Variants in RYR2 observed in about 807,000 individuals in gnomAD.
RYR2 encodes ryanodine receptor 2, also known as cardiac muscle ryanodine receptor-calcium release channel.
A neutral mutation model predicts 601.1 loss-of-function variants in RYR2; 227 were observed. The ratio of observed to expected loss-of-function variants is 0.38; its 90% CI spans 0.34 to 0.42. The LOEUF is 0.42. RYR2 is among the 10% of genes least tolerant of loss of function. The pLI is 1.00. For synonymous variants in RYR2, 2,223 were observed against 2,175.1 expected (o/e 1.02, Z -0.61); for missense variants, 4,646 against 6,156.5 (o/e 0.75, Z 8.21).
chr1:237,547,438 AATT>A, intron 25 of RYR2, among the ~76,000 whole-genome samples: 1 of 152,368 alleles, frequency 6.6e-6, no homozygotes, highest in Admixed American at 6.5e-5. Context: ...AAATGAAATT[AATT>A]ATTTCAACAA....
Position 237,685,587 on chromosome 1 carries a change from TTAA to T in RYR2, c.9018-1867_9018-1865del, listed in dbSNP as rs201027941. 4.8e-3 allele frequency among the ~76,000 whole-genome samples: 727 copies of T among 152,304 alleles called. 5 individuals carry two copies. The highest frequency in any genetic ancestry group is 0.017 in the African/African-American group (694 of 41,558). On this transcript the variant is annotated intron_variant, in intron 62 of 104. Transcript: ENST00000366574. ...GAGAGGAATAGGTAAAATACATGAC[TTAA>T]AATAGATTGGAGTACAGGGATCCAA... is the stretch of plus-strand genomic sequence containing the variant.
chr1:237,492,834 A>AGGAAGGAAGGAC, intron 18 of RYR2, 120 bp from the exon 19 acceptor site: 2 of 802,600 alleles, frequency 2.5e-6, no homozygotes, highest in Non-Finnish European at 3.6e-6. Context: ...AAAGGAAGGA[A>AGGAAGGAAGGAC]GGAAGGAAGG....
chr1:237,651,282 C>A, intron 50 of RYR2, 129 bp from the exon 51 acceptor site: 1 of 671,352 alleles, frequency 1.5e-6, no homozygotes, highest in Non-Finnish European at 2.7e-6. Context: ...GGACAAAGAA[C>A]ATCTAATGAA....
At chr1:237,666,861 G>T (rs1189273740) in intron 57 of RYR2, among the ~76,000 whole-genome samples, 1 of 151,600 alleles carries the variant, frequency 6.6e-6, no homozygotes, top group East Asian at 1.9e-4. Context: ...AGTGAGCTGA[G>T]ATCACACCAC....
At chr1:237,762,272 C>G (rs892503348) in intron 84 of RYR2, among the ~76,000 whole-genome samples, 1 of 152,178 alleles carries the variant, frequency 6.6e-6, no homozygotes, top group African/African-American at 2.4e-5. Flanking sequence ...AGAAAAGTCA[C>G]CAGTGCCACT....
chr1:237,374,525 G>A (rs1333465860), intron 6 of RYR2, among the ~76,000 whole-genome samples, 192 bp from the exon 7 acceptor site: 1 of 152,124 alleles, frequency 6.6e-6, no homozygotes, highest in Admixed American at 6.6e-5. Flanking sequence ...AGGCATGGTG[G>A]CATGTGCCTG....
intron 3 of RYR2, among the ~76,000 whole-genome samples, chr1:237,349,327 A>C (rs1698561431): frequency 6.6e-6 from 1 of 152,176 alleles, no homozygotes; most frequent in South Asian, 2.1e-4. Flanking sequence ...AATAATCACT[A>C]ACTCTGTATT....
In RYR2 at chr1:237,610,583, T is replaced by C. The variant is rs752997871; in HGVS notation, c.4684-179T>C. ...GTATTCTCTCTCATAATGTATTTCC[T>C]GGTTTGTCCTTTCAGAAACTTTTCA... is the stretch of plus-strand genomic sequence containing the variant. On this transcript the variant is annotated intron_variant, in intron 35 of 104. Coordinates refer to ENST00000366574, the MANE Select transcript of RYR2 (RefSeq NM_001035.3). This position sits in a 1 kb window ranked among gnomAD's most constrained non-coding sequence, Gnocchi z 4.9. Among the ~76,000 whole-genome samples, 34 of 152,326 alleles carry C rather than the reference T, an allele frequency of 2.2e-4. No homozygotes were observed. Among genetic ancestry groups the C allele is most frequent in the South Asian group, 8.3e-4 (4 of 4,824 alleles).
intron 25 of RYR2, among the ~76,000 whole-genome samples, chr1:237,537,024 C>T (rs1305191951): frequency 2.6e-5 from 4 of 152,124 alleles, no homozygotes; most frequent in Non-Finnish European, 5.9e-5. Flanking sequence ...GAAAGACACT[C>T]AACTTCAGTA....
At chr1:237,609,432 C>G (rs923161087) in intron 35 of RYR2, among the ~76,000 whole-genome samples, 1 of 148,706 alleles carries the variant, frequency 6.7e-6, no homozygotes, top group Non-Finnish European at 1.5e-5. Context: ...TGCAGTGACA[C>G]GATCTCAGCT....
chr1:237,447,783 C>CCTCTCTCTCTT (rs1657557263), intron 14 of RYR2, among the ~76,000 whole-genome samples: 1 of 150,498 alleles, frequency 6.6e-6, no homozygotes, highest in Non-Finnish European at 1.5e-5. Context: ...GTCTCTCTCT[C>CCTCTCTCTCTT]CTCCCTCCTT....
Position 237,742,289 on chromosome 1 carries a change from T to C in RYR2, c.11092-7T>C. The C allele has an allele frequency of 6.7e-7, 1 of 1,483,930 alleles. No homozygotes were observed. Among genetic ancestry groups the C allele is most frequent in the South Asian group, 1.3e-5 (1 of 77,222 alleles). 91.9% of individuals were successfully genotyped at this position (1,483,930 alleles called of 1,614,324 possible). A position where few individuals can be genotyped will look rare whatever the true frequency, so the allele number is the denominator to read the frequency against. Reference sequence around the variant, plus strand: ...TGTCTCCTTTTTTTTTTTTTTTAAATATACAGAGTTGTCATGATGAGGAAG... The same window carrying C: ...TGTCTCCTTTTTTTTTTTTTTTAAACATACAGAGTTGTCATGATGAGGAAG... On this transcript the variant is annotated splice_region_variant and splice_polypyrimidine_tract_variant and intron_variant, in intron 79 of 104. Coordinates refer to ENST00000366574, the MANE Select transcript of RYR2 (RefSeq NM_001035.3).
chr1:237,692,474 G>T (rs1247227581), intron 63 of RYR2, among the ~76,000 whole-genome samples: 5 of 152,052 alleles, frequency 3.3e-5, no homozygotes, highest in Non-Finnish European at 7.4e-5. Flanking sequence ...TGCCTTTAGG[G>T]TAGAAAGCAC....
chr1:237,128,078 A>C (rs1465503103), intron 1 of RYR2, among the ~76,000 whole-genome samples: 1 of 152,130 alleles, frequency 6.6e-6, no homozygotes, highest in Non-Finnish European at 1.5e-5. Flanking sequence ...ACGCCACTGC[A>C]CTCCAGCCTG....
At chr1:237,308,540 C>G (rs976465005) in intron 2 of RYR2, among the ~76,000 whole-genome samples, 23 of 151,984 alleles carry the variant, frequency 1.5e-4, no homozygotes, top group African/African-American at 5.3e-4. Flanking sequence ...AGCCGCGGAC[C>G]CTTGCGGTGA....
intron 63 of RYR2, among the ~76,000 whole-genome samples, chr1:237,691,765 A>G (rs1354779471): frequency 6.6e-6 from 1 of 152,236 alleles, no homozygotes; most frequent in Admixed American, 6.5e-5. Flanking sequence ...TCTTGTCTAA[A>G]TATAGGCTTC....
chr1:237,060,146 C>T (rs1662659950), intron 1 of RYR2, among the ~76,000 whole-genome samples: 2 of 152,126 alleles, frequency 1.3e-5, no homozygotes, highest in Admixed American at 1.3e-4. Flanking sequence ...AGATTAAATG[C>T]TGGCTGAAAG....
At chr1:237,127,977 T>TG (rs1183276436) in intron 1 of RYR2, among the ~76,000 whole-genome samples, 2 of 151,320 alleles carry the variant, frequency 1.3e-5, no homozygotes, top group African/African-American at 4.9e-5. Context: ...ACTTCCCAGA[T>TG]GGGGTGGCGG....
chr1:237,277,213 T>C (rs1690375689), intron 2 of RYR2, among the ~76,000 whole-genome samples: 1 of 152,216 alleles, frequency 6.6e-6, no homozygotes, highest in South Asian at 2.1e-4. Context: ...ATTTAAATTC[T>C]ATTTATGTTT....
Sources: gnomAD v4.1 joint callset for allele counts (sites outside exome capture counted in the v4.1 genomes callset) on GRCh38, gnomAD v4.1.1 for gene constraint, Gnocchi (gnomAD v3.1) non-coding constraint, MANE v1.5 for transcripts, NCBI Gene and HGNC (gene_info 2026-07-23, HGNC 2026-07-21) for gene names.